The following FBXW11 variants were observed in gnomAD, a reference collection of about 807,000 sequenced individuals.
FBXW11 encodes the protein F-box/WD repeat-containing protein 11.
A neutral mutation model predicts 77.6 loss-of-function variants in FBXW11; 19 were observed. The observed-to-expected ratio is 0.24, with a 90% CI of 0.17 to 0.36. The LOEUF (loss-of-function observed/expected upper bound fraction) is 0.36, where lower values mean the gene tolerates loss of function less well. Ranked by LOEUF, FBXW11 falls within the 10% of genes least tolerant of loss-of-function variation. FBXW11 has a pLI of 1.00. For synonymous variants in FBXW11, 235 were observed against 249.4 expected (o/e 0.94, Z 0.54); for missense variants, 334 against 704.2 (o/e 0.47, Z 5.95).
intron 6 of FBXW11, among the ~76,000 whole-genome samples, chr5:171,895,403 C>T (rs768859498): frequency 6.6e-6 from 1 of 152,096 alleles, no homozygotes; most frequent in Non-Finnish European, 1.5e-5. Context: ...ATTTTCTGGT[C>T]AGGACAATGT....
chr5:171,995,752 CA>C lies in FBXW11; in HGVS notation c.45+10705del, dbSNP rs542185354. On this transcript the variant is annotated intron_variant, in intron 1 of 13. Coordinates refer to ENST00000517395, the MANE Select transcript of FBXW11 (RefSeq NM_001378974.1). ...TGGGCGACAGAGCGAGACTCCGCCTCAAAAAAAAAAAATCATATTAAATTAT... is the reference window on the plus strand; with the variant it reads ...TGGGCGACAGAGCGAGACTCCGCCTCAAAAAAAAAAATCATATTAAATTAT... 1.5e-3 allele frequency among the ~76,000 whole-genome samples: 209 copies of C among 137,654 alleles called. 1 individual carries two copies. The highest frequency in any genetic ancestry group is 1.9e-3 in the Non-Finnish European group (123 of 63,370). 90.3% of individuals were successfully genotyped at this position (137,654 alleles called of 152,430 possible). A position where few individuals can be genotyped will look rare whatever the true frequency, so the allele number is the denominator to read the frequency against.
chr5:171,962,971 A>T (rs1055580981), intron 1 of FBXW11, among the ~76,000 whole-genome samples: 2 of 152,074 alleles, frequency 1.3e-5, no homozygotes, highest in Non-Finnish European at 2.9e-5. Context: ...CCCCACCACC[A>T]ATCTTTTTAT....
chr5:171,994,839 A>C (rs1765942058), intron 1 of FBXW11, among the ~76,000 whole-genome samples: 1 of 152,108 alleles, frequency 6.6e-6, no homozygotes. Context: ...GGAGTTTGAG[A>C]CCAGCCTGGC....
chr5:171,864,260 G>T (rs1757246381), intron 13 of FBXW11, among the ~76,000 whole-genome samples, 159 bp from the exon 14 acceptor site: 1 of 152,118 alleles, frequency 6.6e-6, no homozygotes, highest in African/African-American at 2.4e-5. Flanking sequence ...TACATACCAG[G>T]TATCACATTT....
intron 1 of FBXW11, among the ~76,000 whole-genome samples, chr5:171,968,552 T>C (rs1223948958): frequency 6.6e-6 from 1 of 152,038 alleles, no homozygotes; most frequent in African/African-American, 2.4e-5. Context: ...AGCTAACAGA[T>C]GATCTCCAGT....
At chr5:172,006,400 C>A in intron 1 of FBXW11, 58 bp downstream of exon 1, 1 of 1,462,820 alleles carries the variant, frequency 6.8e-7, no homozygotes, top group Admixed American at 2.1e-5. Flanking sequence ...TTGAGGTGGG[C>A]AGGCCCGCCC....
intron 1 of FBXW11, among the ~76,000 whole-genome samples, chr5:171,976,835 T>A (rs1267378766): frequency 6.6e-6 from 1 of 150,926 alleles, no homozygotes; most frequent in Non-Finnish European, 1.5e-5. Flanking sequence ...TCACCTGAGG[T>A]CAGGAATTTG....
chr5:172,000,038 C>G (rs1766318428), intron 1 of FBXW11, among the ~76,000 whole-genome samples: 1 of 152,204 alleles, frequency 6.6e-6, no homozygotes, highest in African/African-American at 2.4e-5. Flanking sequence ...CCTGGTCTGT[C>G]TCTCATTTGC....
chr5:171,889,921 T>G (rs1465002290), intron 7 of FBXW11, among the ~76,000 whole-genome samples: 1 of 151,576 alleles, frequency 6.6e-6, no homozygotes, highest in Non-Finnish European at 1.5e-5. Flanking sequence ...AAAAAGAAAA[T>G]GAAAAGACAA....
intron 1 of FBXW11, among the ~76,000 whole-genome samples, chr5:171,987,053 C>T (rs1765483180): frequency 1.3e-5 from 2 of 152,190 alleles, no homozygotes; most frequent in Admixed American, 6.5e-5. Context: ...GAGGGATCTA[C>T]GTTGCATGCT....
intron 1 of FBXW11, among the ~76,000 whole-genome samples, chr5:171,971,735 C>T (rs896001369): frequency 6.6e-6 from 1 of 152,072 alleles, no homozygotes; most frequent in African/African-American, 2.4e-5. Flanking sequence ...GTAATCCCAA[C>T]ACTTTGGCAG....
chr5:171,998,661 G>T (rs998071173), intron 1 of FBXW11, among the ~76,000 whole-genome samples: 2 of 151,590 alleles, frequency 1.3e-5, no homozygotes, highest in Non-Finnish European at 2.9e-5. Context: ...ACCGGGCCTG[G>T]TGGCACATGC....
chr5:171,876,189 T>C lies in FBXW11; in HGVS notation c.1221+96A>G. On this transcript the variant is annotated intron_variant, in intron 9 of 13. Transcript: ENST00000517395. The surrounding 1 kb of genome is among the most constrained non-coding windows in gnomAD (Gnocchi z 4.2). ...TCATAAGCACAGAGGAGAATAAAGATCTTGCCAGGTACCAGGTTGGTATAA... is the reference window on the plus strand; with the variant it reads ...TCATAAGCACAGAGGAGAATAAAGACCTTGCCAGGTACCAGGTTGGTATAA... The C allele has an allele frequency of 2.8e-6, 4 of 1,441,172 alleles. No homozygotes were observed. The highest frequency in any genetic ancestry group is 3.8e-6 in the Non-Finnish European group (4 of 1,044,212). The allele number at this position is 1,441,172 out of a possible 1,614,324, so 89.3% of individuals were successfully genotyped here.
chr5:171,879,639 ATGCTAACAG>A, intron 7 of FBXW11, among the ~76,000 whole-genome samples: 1 of 152,344 alleles, frequency 6.6e-6, no homozygotes, highest in East Asian at 1.9e-4. Flanking sequence ...GATTTTGGCC[ATGCTAACAG>A]GTGTGTAGTA....
At chr5:171,948,284 A>G (rs1443119611) in intron 2 of FBXW11, among the ~76,000 whole-genome samples, 1 of 151,988 alleles carries the variant, frequency 6.6e-6, no homozygotes, top group Non-Finnish European at 1.5e-5. Flanking sequence ...ATGGAGTATA[A>G]ACCTATATAA....
At position 171,913,818 on chromosome 5, in the gene FBXW11, T is replaced by TACACAC. The variant is rs1161644281; in HGVS notation, c.210+519_210+524dup. 6.3e-3 allele frequency among the ~76,000 whole-genome samples: 409 copies of TACACAC among 65,238 alleles called. 12 individuals are homozygous for TACACAC. The highest frequency in any genetic ancestry group is 0.016 in the South Asian group (31 of 1,928). The allele number at this position is 65,238 out of a possible 152,430, so 42.8% of individuals were successfully genotyped here. A position where few individuals can be genotyped will look rare whatever the true frequency, so the allele number is the denominator to read the frequency against. On this transcript the variant is annotated intron_variant, in intron 3 of 13. Transcript: ENST00000517395. ...CCCCAAACCCCCAACCACACACACA[T>TACACAC]ACACACACACACACACACACACACA... is the stretch of plus-strand genomic sequence containing the variant.
intron 4 of FBXW11, among the ~76,000 whole-genome samples, chr5:171,900,372 T>C (rs1760033370): frequency 2.0e-5 from 3 of 152,210 alleles, no homozygotes. Context: ...AATATTAAGA[T>C]AAGACTTTTC....
intron 6 of FBXW11, among the ~76,000 whole-genome samples, chr5:171,897,055 G>A (rs1390505163): frequency 6.6e-6 from 1 of 152,154 alleles, no homozygotes; most frequent in East Asian, 1.9e-4. Flanking sequence ...AAGGGTACAT[G>A]GTTGATCACA....
At chr5:172,002,956 G>A (rs1766508397) in intron 1 of FBXW11, among the ~76,000 whole-genome samples, 1 of 152,074 alleles carries the variant, frequency 6.6e-6, no homozygotes, top group Middle Eastern at 3.4e-3. Flanking sequence ...ACCTCCTAAA[G>A]TGCTGGGATT....
Sources: gnomAD v4.1 joint callset for allele counts (sites outside exome capture counted in the v4.1 genomes callset) on GRCh38, gnomAD v4.1.1 for gene constraint, Gnocchi (gnomAD v3.1) non-coding constraint, MANE v1.5 for transcripts, NCBI Gene and HGNC (gene_info 2026-07-23, HGNC 2026-07-21) for gene names.